The following ASPH variants were observed in gnomAD, a reference collection of about 807,000 sequenced individuals.
ASPH encodes the protein aspartate beta-hydroxylase.
ASPH carries 100 observed loss-of-function variants against 118.4 expected under a neutral mutation model. That is an observed-to-expected ratio of 0.84 (90% CI 0.72 to 1.00). ASPH has a LOEUF of 1.00. Ranked by LOEUF, ASPH falls within the 50% of genes least tolerant of loss-of-function variation. The probability of loss-of-function intolerance (pLI) is 0.00; values close to 1 mark genes in which losing one functional copy is unlikely to be tolerated. For missense variants in ASPH, 920 were observed against 919.5 expected (o/e 1.00, Z -0.01); for synonymous variants, 315 against 325.6 (o/e 0.97, Z 0.35).
chr8:61,639,351 C>A (rs940433398), intron 10 of ASPH, among the ~76,000 whole-genome samples: 3 of 152,132 alleles, frequency 2.0e-5, no homozygotes, highest in African/African-American at 7.2e-5. Flanking sequence ...TGTCTTCAGA[C>A]CCTGACCCCA....
chr8:61,577,609 G>A lies in ASPH; in HGVS notation c.1063-751C>T, dbSNP rs978748437. Among the ~76,000 whole-genome samples the A allele has an allele frequency of 6.6e-5, 10 of 152,256 alleles. No individual in the cohort carries two copies. In the South Asian group the frequency reaches 1.0e-3, roughly 16 times the overall value. ...AGGTTTAACTGAATCACAGTTCCAC[G>A]TGGCTGGGGAGGCCTAAGGAAACTT... On this transcript the variant is annotated intron_variant, in intron 15 of 24. Coordinates refer to ENST00000379454, the MANE Select transcript of ASPH (RefSeq NM_004318.4).
chr8:61,548,317 TAAAG>T, intron 20 of ASPH, 109 bp from the exon 21 acceptor site: 1 of 1,303,412 alleles, frequency 7.7e-7, no homozygotes, highest in Non-Finnish European at 1.0e-6. Flanking sequence ...CACATTTAAA[TAAAG>T]AGCTTACTGC....
chr8:61,512,953 T>C (rs2129615553), intron 24 of ASPH, among the ~76,000 whole-genome samples: 1 of 152,342 alleles, frequency 6.6e-6, no homozygotes, highest in South Asian at 2.1e-4. Context: ...ATCAGTTTTC[T>C]AATCAGAAGG....
chr8:61,669,140 T>C (rs185968847), intron 3 of ASPH, among the ~76,000 whole-genome samples: 1 of 152,196 alleles, frequency 6.6e-6, no homozygotes, highest in African/African-American at 2.4e-5. Flanking sequence ...GTCTAAGGTG[T>C]GGTCACAAGA....
intron 3 of ASPH, among the ~76,000 whole-genome samples, chr8:61,676,741 CGA>C (rs1245645139): frequency 6.6e-6 from 1 of 152,050 alleles, no homozygotes; most frequent in Non-Finnish European, 1.5e-5. Context: ...CAGATTTTAT[CGA>C]GAGTTGATTA....
chr8:61,620,986 C>T (rs530541951), intron 13 of ASPH, among the ~76,000 whole-genome samples: 4 of 152,288 alleles, frequency 2.6e-5, no homozygotes, highest in East Asian at 3.9e-4. Context: ...GGGCCCTGGC[C>T]GGGTCTCCTC....
chr8:61,511,291 C>G (rs1410316776), intron 24 of ASPH, among the ~76,000 whole-genome samples: 1 of 152,148 alleles, frequency 6.6e-6, no homozygotes, highest in Non-Finnish European at 1.5e-5. Context: ...TTCAGTCTGT[C>G]GCTAAGTGAC....
chr8:61,651,163 A>C (rs1373747096), intron 4 of ASPH, 39 bp from the exon 5 acceptor site: 7 of 1,527,682 alleles, frequency 4.6e-6, no homozygotes, highest in Non-Finnish European at 6.3e-6. Flanking sequence ...AGAAAAGCTC[A>C]AACATCAACA....
intron 14 of ASPH, among the ~76,000 whole-genome samples, chr8:61,618,300 GTAA>G (rs1336805909): frequency 6.6e-6 from 1 of 152,090 alleles, no homozygotes; most frequent in Admixed American, 6.5e-5. Flanking sequence ...TCCTGAAATT[GTAA>G]TAATATTCAA....
intron 1 of ASPH, among the ~76,000 whole-genome samples, chr8:61,694,578 T>C (rs981345111): frequency 4.6e-5 from 7 of 152,230 alleles, no homozygotes; most frequent in African/African-American, 1.7e-4. Flanking sequence ...CCACACTCTC[T>C]TCCCTCGACT....
chr8:61,712,367 G>C (rs1838257137), intron 1 of ASPH, among the ~76,000 whole-genome samples: 2 of 152,184 alleles, frequency 1.3e-5, no homozygotes, highest in Non-Finnish European at 2.9e-5. Context: ...TCCATACCCA[G>C]TGCCTTCTAT....
chr8:61,639,492 C>T (rs899790741), intron 10 of ASPH, among the ~76,000 whole-genome samples: 2 of 152,138 alleles, frequency 1.3e-5, no homozygotes, highest in South Asian at 2.1e-4. Flanking sequence ...TTCAGGGTGA[C>T]CATACTCTCC....
chr8:61,653,158 G>A (rs1049268904), intron 4 of ASPH, among the ~76,000 whole-genome samples: 3 of 152,074 alleles, frequency 2.0e-5, no homozygotes, highest in African/African-American at 4.8e-5. Context: ...TAAAATAAAC[G>A]AGACCCTCAT....
chr8:61,651,748 T>C (rs373663076), intron 4 of ASPH, among the ~76,000 whole-genome samples: 1 of 152,234 alleles, frequency 6.6e-6, no homozygotes, highest in Non-Finnish European at 1.5e-5. Flanking sequence ...TTCAAATAAA[T>C]TGAATTACAA....
chr8:61,619,110 G>T, intron 13 of ASPH, 91 bp from the exon 14 acceptor site: 2 of 914,276 alleles, frequency 2.2e-6, no homozygotes, highest in Non-Finnish European at 3.3e-6. Context: ...AATTCAATAA[G>T]TATAATCAAA....
chr8:61,618,008 G>T (rs1236805531), intron 14 of ASPH, among the ~76,000 whole-genome samples: 1 of 151,462 alleles, frequency 6.6e-6, no homozygotes, highest in Non-Finnish European at 1.5e-5. Context: ...TTGGGGATAT[G>T]AAGTAGTAGG....
chr8:61,580,103 C>T (rs1390020330), intron 15 of ASPH, among the ~76,000 whole-genome samples: 2 of 152,082 alleles, frequency 1.3e-5, no homozygotes, highest in Admixed American at 1.3e-4. Flanking sequence ...CAGCTCCACC[C>T]CTGTGGCTTT....
rs961775767 is a variant in ASPH at position 61,553,689 on chromosome 8, T to A, written c.1537-569A>T. Among the ~76,000 whole-genome samples the A allele has an allele frequency of 1.4e-4, 21 of 152,260 alleles. No homozygotes were observed. In the South Asian group the frequency reaches 3.1e-3, roughly 23 times the overall value. On this transcript the variant is annotated intron_variant, in intron 19 of 24. Coordinates refer to ENST00000379454, the MANE Select transcript of ASPH (RefSeq NM_004318.4). ...ATTTTTATTAAACAAATCCCTATTCTAAAACATTTACCTAATTCTCTGATT... is the reference window on the plus strand; with the variant it reads ...ATTTTTATTAAACAAATCCCTATTCAAAAACATTTACCTAATTCTCTGATT...
intron 3 of ASPH, among the ~76,000 whole-genome samples, chr8:61,655,163 T>C (rs1812990188): frequency 6.6e-6 from 1 of 152,192 alleles, no homozygotes; most frequent in African/African-American, 2.4e-5. Context: ...GAACACTTGT[T>C]GAAGGGCTGA....
Sources: gnomAD v4.1 joint callset for allele counts (sites outside exome capture counted in the v4.1 genomes callset) on GRCh38, gnomAD v4.1.1 for gene constraint, MANE v1.5 for transcripts, NCBI Gene and HGNC (gene_info 2026-07-23, HGNC 2026-07-21) for gene names.